PACRG: variants seen among roughly 807,000 people sequenced by gnomAD.
PACRG encodes parkin coregulated gene protein.
A neutral mutation model predicts 29.7 loss-of-function variants in PACRG; 29 were observed. The ratio of observed to expected loss-of-function variants is 0.98; its 90% CI spans 0.73 to 1.33. The LOEUF (loss-of-function observed/expected upper bound fraction) is 1.33. Ranked by LOEUF, PACRG falls within the 40% of genes most tolerant of loss-of-function variation. The pLI is 0.00. For missense variants in PACRG, 279 were observed against 316.2 expected (o/e 0.88, Z 0.89); for synonymous variants, 116 against 118.7 (o/e 0.98, Z 0.15).
chr6:163,019,344 A>G (rs1275991816), intron 2 of PACRG, among the ~76,000 whole-genome samples: 1 of 152,034 alleles, frequency 6.6e-6, no homozygotes. Context: ...ATGACCTCAT[A>G]TTTCTAGGAT....
At chr6:163,290,089 A>T (rs1240522173) in intron 4 of PACRG, among the ~76,000 whole-genome samples, 1 of 151,772 alleles carries the variant, frequency 6.6e-6, no homozygotes. Flanking sequence ...CGAACTCCTG[A>T]CCTCAGATGA....
intron 4 of PACRG, among the ~76,000 whole-genome samples, chr6:163,163,713 C>T (rs1473012144): frequency 6.6e-6 from 1 of 151,960 alleles, no homozygotes; most frequent in Non-Finnish European, 1.5e-5. Context: ...ATGAGTCATT[C>T]AAAAAGTGTT....
At chr6:163,141,356 A>T (rs1419662118) in intron 4 of PACRG, among the ~76,000 whole-genome samples, 7 of 152,208 alleles carry the variant, frequency 4.6e-5, no homozygotes. Context: ...CCCACAGCTA[A>T]GACTGAGATA....
At chr6:163,002,733 G>C (rs1804700963) in intron 2 of PACRG, among the ~76,000 whole-genome samples, 1 of 152,148 alleles carries the variant, frequency 6.6e-6, no homozygotes, top group Non-Finnish European at 1.5e-5. Context: ...AGATAATCAA[G>C]AGACTAGAAA....
chr6:163,186,061 G>A (rs1259550885), intron 4 of PACRG, among the ~76,000 whole-genome samples: 1 of 152,126 alleles, frequency 6.6e-6, no homozygotes, highest in Non-Finnish European at 1.5e-5. Flanking sequence ...CCTTTCTGCT[G>A]GCCTTCACTT....
At chr6:163,228,655 T>A (rs1294685170) in intron 4 of PACRG, among the ~76,000 whole-genome samples, 2 of 152,194 alleles carry the variant, frequency 1.3e-5, no homozygotes, top group Non-Finnish European at 2.9e-5. Flanking sequence ...AAAGGAACGA[T>A]GGTGAACGAT....
chr6:163,133,459 A>G (rs1295573225), intron 4 of PACRG, among the ~76,000 whole-genome samples: 4 of 152,244 alleles, frequency 2.6e-5, no homozygotes, highest in Admixed American at 6.5e-5. Context: ...AGTCTGATTC[A>G]TGCTAAATCT....
chr6:162,745,672 G>A (rs761916614), intron 1 of PACRG, among the ~76,000 whole-genome samples: 78 of 152,146 alleles, frequency 5.1e-4, no homozygotes, highest in Non-Finnish European at 9.4e-4. Context: ...GATGACTGCT[G>A]ATTTTGTAGT....
At chr6:162,739,105 A>G (rs538026723) in intron 1 of PACRG, among the ~76,000 whole-genome samples, 1 of 152,356 alleles carries the variant, frequency 6.6e-6, no homozygotes, top group African/African-American at 2.4e-5. Flanking sequence ...ATAAATATTT[A>G]TATTGTGACC....
At chr6:163,213,406 A>G (rs1286351051) in intron 4 of PACRG, among the ~76,000 whole-genome samples, 21 of 152,146 alleles carry the variant, frequency 1.4e-4, no homozygotes, top group Admixed American at 1.4e-3. Flanking sequence ...TCTTTTTGCT[A>G]TTAAGGATGT....
intron 4 of PACRG, among the ~76,000 whole-genome samples, chr6:163,167,711 A>G (rs1215877367): frequency 6.6e-6 from 1 of 152,260 alleles, no homozygotes; most frequent in Non-Finnish European, 1.5e-5. Context: ...AGTTTGTCAT[A>G]GAATCAAGGG....
chr6:162,769,084 C>G (rs954783347), intron 1 of PACRG, among the ~76,000 whole-genome samples: 1 of 152,114 alleles, frequency 6.6e-6, no homozygotes, highest in Non-Finnish European at 1.5e-5. Flanking sequence ...GAGGCAGCTT[C>G]CTGGAAGAGG....
chr6:163,284,954 C>T (rs1364967614), intron 4 of PACRG, among the ~76,000 whole-genome samples: 1 of 152,200 alleles, frequency 6.6e-6, no homozygotes, highest in Non-Finnish European at 1.5e-5. Context: ...CTAAACCAAG[C>T]CACTATCATC....
intron 4 of PACRG, chr6:163,312,761 T>G (rs56761274): frequency 9.1e-6 from 4 of 440,372 alleles, no homozygotes; most frequent in Non-Finnish European, 1.8e-5. Flanking sequence ...TTGTTTTGTT[T>G]GTTTGTTTTT....
intron 4 of PACRG, among the ~76,000 whole-genome samples, chr6:163,215,394 C>G (rs1781321432): frequency 6.6e-6 from 1 of 152,210 alleles, no homozygotes; most frequent in African/African-American, 2.4e-5. Context: ...GCTTTAATAG[C>G]ATGCATTGTT....
At chr6:163,291,583 G>T (rs560172615) in intron 4 of PACRG, among the ~76,000 whole-genome samples, 123 of 152,390 alleles carry the variant, frequency 8.1e-4, no homozygotes, top group African/African-American at 2.9e-3. Context: ...AACGTCTCTT[G>T]AACATCGACT....
chr6:162,951,976 A>C lies in PACRG; in HGVS notation c.292-110174A>C, dbSNP rs148925680. The stretch of plus-strand genomic sequence containing the variant: ...TCTGCTTTCCAGGTTTCTGCTGCTG[A>C]ATCTTAGGAGAGAAATGCTCTGTGC... On this transcript the variant is annotated intron_variant, in intron 2 of 4. Coordinates refer to ENST00000366888, the MANE Select transcript of PACRG (RefSeq NM_001080379.2). Among the ~76,000 whole-genome samples, 855 of 152,260 alleles carry C rather than the reference A, an allele frequency of 5.6e-3. 8 individuals are homozygous for C. The highest frequency in any genetic ancestry group is 0.019 in the African/African-American group (790 of 41,556).
In PACRG at chr6:162,781,234, A is replaced by T. The variant is rs182361610; in HGVS notation, c.157-32913A>T. Among the ~76,000 whole-genome samples, 64 of 152,184 alleles carry T rather than the reference A, an allele frequency of 4.2e-4. No individual in the cohort carries two copies. The East Asian group carries it at 0.012, about 29-fold the overall frequency. ...TAAAAGACTGTGGAAGAGCATCTTTAAAGTATGCAAAAAATTATGAACCTA... is the reference window on the plus strand; with the variant it reads ...TAAAAGACTGTGGAAGAGCATCTTTTAAGTATGCAAAAAATTATGAACCTA... On this transcript the variant is annotated intron_variant, in intron 1 of 4. Transcript: ENST00000366888.
intron 4 of PACRG, among the ~76,000 whole-genome samples, chr6:163,298,785 C>G (rs1236731158): frequency 6.6e-6 from 1 of 152,242 alleles, no homozygotes; most frequent in Non-Finnish European, 1.5e-5. Context: ...AAATCATCCT[C>G]TCCGGTAACA....
Sources: gnomAD v4.1 joint callset for allele counts (sites outside exome capture counted in the v4.1 genomes callset) on GRCh38, gnomAD v4.1.1 for gene constraint, MANE v1.5 for transcripts, NCBI Gene and HGNC (gene_info 2026-07-23, HGNC 2026-07-21) for gene names.